The following STARD13 variants were observed in gnomAD, a reference collection of about 807,000 sequenced individuals.
STARD13 encodes StAR related lipid transfer domain containing 13.
A neutral mutation model predicts 106.4 loss-of-function variants in STARD13; 62 were observed. The ratio of observed to expected loss-of-function variants is 0.58; its 90% CI spans 0.48 to 0.72. STARD13 has a LOEUF of 0.72. Among genes scored for constraint, STARD13 ranks in the 30% least tolerant of loss-of-function variants. The pLI is 0.00. For missense variants in STARD13, 1,387 were observed against 1,424.0 expected (o/e 0.97, Z 0.42); for synonymous variants, 565 against 553.0 (o/e 1.02, Z -0.31).
chr13:33,222,650 A>G (rs1475323507), intron 1 of STARD13, among the ~76,000 whole-genome samples: 1 of 152,170 alleles, frequency 6.6e-6, no homozygotes, highest in African/African-American at 2.4e-5. Flanking sequence ...GACACACATC[A>G]TGTCTACTTC....
exon 2 of STARD13, chr13:33,348,921 TC>T: frequency 1.8e-6 from 1 of 544,534 alleles, no homozygotes; most frequent in South Asian, 2.2e-5. Flanking sequence ...TCATCCATAA[TC>T]TCCACTTCTA....
the STARD13 span, among the ~76,000 whole-genome samples, chr13:33,550,681 G>A: frequency 3.3e-5 from 5 of 152,148 alleles, no homozygotes; most frequent in African/African-American, 1.2e-4. Flanking sequence ...TCAGTTCATC[G>A]TGATAGATCT....
intron 1 of STARD13, among the ~76,000 whole-genome samples, chr13:33,339,856 G>C (rs960698739): frequency 1.3e-4 from 20 of 152,060 alleles, no homozygotes; most frequent in Admixed American, 4.6e-4. Flanking sequence ...GGAGGCCAAG[G>C]CAGGTGGATC....
the STARD13 span, among the ~76,000 whole-genome samples, chr13:33,496,995 G>T: frequency 2.0e-5 from 3 of 152,060 alleles, no homozygotes; most frequent in East Asian, 1.9e-4. Context: ...TTTTGTAAGA[G>T]AACTCTGTTT....
At chr13:33,225,948 T>C (rs1006219318) in intron 1 of STARD13, among the ~76,000 whole-genome samples, 1 of 152,180 alleles carries the variant, frequency 6.6e-6, no homozygotes, top group Non-Finnish European at 1.5e-5. Context: ...TCCTTAAAGA[T>C]GGGATCTTTT....
intron 1 of STARD13, among the ~76,000 whole-genome samples, chr13:33,269,930 G>A (rs1237300191): frequency 6.6e-6 from 1 of 152,146 alleles, no homozygotes; most frequent in Non-Finnish European, 1.5e-5. Context: ...TTGCCCATTT[G>A]TGAACCGAAT....
At chr13:33,163,611 T>TATATATATATATAACATATATATATAAC (rs1882922559) in intron 3 of STARD13, among the ~76,000 whole-genome samples, 1 of 85,006 alleles carries the variant, frequency 1.2e-5, no homozygotes. Context: ...AAAAAATATA[T>TATATATATATATAACATATATATATAAC]ATATATATAT....
the STARD13 span, among the ~76,000 whole-genome samples, chr13:33,469,294 A>G: frequency 6.1e-4 from 93 of 152,292 alleles, no homozygotes; most frequent in East Asian, 0.016. Flanking sequence ...CCTGATTCCA[A>G]TGTCCCATTC....
the STARD13 span, among the ~76,000 whole-genome samples, chr13:33,513,184 G>T: frequency 6.6e-6 from 1 of 152,256 alleles, no homozygotes; most frequent in African/African-American, 2.4e-5. Context: ...ATAGGGTAAA[G>T]GGTCACCAGG....
intron 1 of STARD13, among the ~76,000 whole-genome samples, chr13:33,262,272 G>T (rs73458264): frequency 0.015 from 2,324 of 152,256 alleles, 50 homozygotes; most frequent in African/African-American, 0.051. Context: ...GCATCAGGTG[G>T]CATGAATCAG....
the STARD13 span, among the ~76,000 whole-genome samples, chr13:33,547,122 A>G: frequency 6.6e-6 from 1 of 152,192 alleles, no homozygotes; most frequent in Admixed American, 6.5e-5. Context: ...TTCAGCTCTT[A>G]TGATACAGTG....
At chr13:33,336,930 T>C (rs377220065) in intron 1 of STARD13, among the ~76,000 whole-genome samples, 22 of 152,158 alleles carry the variant, frequency 1.4e-4, no homozygotes, top group African/African-American at 4.8e-4. Flanking sequence ...CCATTGAAAG[T>C]AATAGCAAAG....
chr13:33,413,792 G>A, the STARD13 span, among the ~76,000 whole-genome samples: 1 of 152,134 alleles, frequency 6.6e-6, no homozygotes, highest in South Asian at 2.1e-4. Flanking sequence ...AGCACTTTGG[G>A]AGGTCGAGGC....
Position 33,130,267 on chromosome 13 carries a change from T to A in STARD13, c.410A>T (p.Asp137Val), listed in dbSNP as rs1441895502. 3.7e-6 allele frequency: 6 copies of A among 1,602,598 alleles called. No homozygotes were observed. In the African/African-American group the frequency reaches 8.0e-5, roughly 21 times the overall value. ...RKKGDDSDEE[D>V]LCISNKWTFQ... ...AGTCCATTTGTTGCTGATACAAAGA[T>A]CTTCCTCATCGGAGTCGTCACCCTG... The change falls in exon 5 of 14, where the codon GAT becomes GTT. Residue 137 changes from aspartate to valine, a missense_variant. Transcript: ENST00000336934. The surrounding 1 kb of genome is among the most constrained non-coding windows in gnomAD (Gnocchi z 4.1).
At chr13:33,110,144 C>T (rs1019629550) in intron 11 of STARD13, 54 bp from the exon 12 acceptor site, 62 of 1,546,610 alleles carry the variant, frequency 4.0e-5, no homozygotes, top group Non-Finnish European at 5.0e-5. Flanking sequence ...ATGGGTCCAA[C>T]ATTTTTTGTT....
At chr13:33,236,623 A>G (rs1889202400) in intron 1 of STARD13, among the ~76,000 whole-genome samples, 1 of 152,216 alleles carries the variant, frequency 6.6e-6, no homozygotes, top group South Asian at 2.1e-4. Flanking sequence ...GAAGCCAGTT[A>G]GGAAAGTGCA....
chr13:33,329,719 T>A (rs1414973190), intron 1 of STARD13, among the ~76,000 whole-genome samples: 1 of 151,264 alleles, frequency 6.6e-6, no homozygotes, highest in Non-Finnish European at 1.5e-5. Context: ...TTTTTTTTTT[T>A]TTGAGACAGA....
At chr13:33,601,127 C>T in the STARD13 span, among the ~76,000 whole-genome samples, 4 of 152,016 alleles carry the variant, frequency 2.6e-5, no homozygotes, top group African/African-American at 9.7e-5. Context: ...AACATGGTCG[C>T]CCTATGATCA....
the STARD13 span, among the ~76,000 whole-genome samples, chr13:33,550,698 G>A: frequency 6.6e-6 from 1 of 152,182 alleles, no homozygotes; most frequent in Admixed American, 6.5e-5. Flanking sequence ...ATCTTTGCAA[G>A]TTTCATGTTC....
Sources: allele counts gnomAD v4.1 joint callset (sites outside exome capture counted in the v4.1 genomes callset), GRCh38; gene constraint gnomAD v4.1.1; non-coding constraint Gnocchi (gnomAD v3.1); transcripts MANE v1.5; gene names NCBI Gene and HGNC (gene_info 2026-07-23, HGNC 2026-07-21).